The following GSG1L variants were observed in gnomAD, a reference collection of about 807,000 sequenced individuals.
GSG1L encodes GSG1 like.
Under a neutral mutation model 42.1 loss-of-function variants are expected in GSG1L, and 24 were observed. The observed-to-expected ratio is 0.57, with a 90% CI of 0.41 to 0.80. The LOEUF (loss-of-function observed/expected upper bound fraction) is 0.80, where lower values mean the gene tolerates loss of function less well. Ranked by LOEUF, GSG1L falls within the 30% of genes least tolerant of loss-of-function variation. GSG1L has a pLI of 0.00. For missense variants in GSG1L, 445 were observed against 472.2 expected, an observed-to-expected ratio of 0.94 and a Z score of 0.53; for synonymous variants, 215 against 203.5, an observed-to-expected ratio of 1.06 and a Z score of -0.48.
intron 2 of GSG1L, among the ~76,000 whole-genome samples, chr16:27,945,329 A>ATG (rs1271109534): frequency 1.3e-5 from 2 of 152,156 alleles, no homozygotes; most frequent in East Asian, 1.9e-4. Flanking sequence ...TGTAAAACTA[A>ATG]TGAATAAAAC....
intron 6 of GSG1L, among the ~76,000 whole-genome samples, chr16:27,802,825 T>A (rs143293435): frequency 5.3e-5 from 8 of 152,138 alleles, no homozygotes. Flanking sequence ...CAGCTAATTT[T>A]AACTTTTTTT....
At chr16:27,964,794 G>A (rs2085111051) in intron 1 of GSG1L, among the ~76,000 whole-genome samples, 1 of 152,136 alleles carries the variant, frequency 6.6e-6, no homozygotes, top group Non-Finnish European at 1.5e-5. Flanking sequence ...AGGGGATTGG[G>A]CGGGGAGCAG....
chr16:27,888,499 CTTT>C (rs2084074519), intron 2 of GSG1L, among the ~76,000 whole-genome samples: 1 of 6,476 alleles, frequency 1.5e-4, no homozygotes, highest in African/African-American at 4.0e-4. Context: ...TTCTTTCTTT[CTTT>C]CTTTCTTTCT....
intron 1 of GSG1L, among the ~76,000 whole-genome samples, chr16:27,975,091 G>T (rs980854395): frequency 3.3e-5 from 5 of 152,030 alleles, no homozygotes; most frequent in Admixed American, 3.3e-4. Context: ...CTTGAGAATC[G>T]GTCTTTCCAA....
intron 4 of GSG1L, among the ~76,000 whole-genome samples, chr16:27,834,947 G>C (rs1186080600): frequency 6.6e-6 from 1 of 151,826 alleles, no homozygotes; most frequent in Non-Finnish European, 1.5e-5. Context: ...GCTGGCTTTG[G>C]GCTTATTTTG....
chr16:28,060,896 T>C (rs1209424789), intron 1 of GSG1L, among the ~76,000 whole-genome samples: 1 of 152,122 alleles, frequency 6.6e-6, no homozygotes, highest in Non-Finnish European at 1.5e-5. Flanking sequence ...TACTTAAATA[T>C]CCCAAGTCAA....
chr16:27,845,100 G>A, intron 3 of GSG1L, 39 bp from the exon 4 acceptor site: 1 of 1,420,524 alleles, frequency 7.0e-7, no homozygotes, highest in Non-Finnish European at 9.8e-7. Context: ...CAGGAAGTAA[G>A]GAAGGGCTTT....
chr16:27,884,609 C>A lies in GSG1L; in HGVS notation c.427G>T (p.Val143Leu). 3 of 1,602,074 alleles carry A rather than the reference C, an allele frequency of 1.9e-6. No homozygotes were observed. The highest frequency in any genetic ancestry group is 2.6e-6 in the Non-Finnish European group (3 of 1,174,326). The change falls in exon 3 of 7, where the codon GTG becomes TTG. Residue 143 changes from valine to leucine, a missense_variant. Physicochemically the swap from Val to Leu is conservative, Grantham distance 32. Coordinates refer to ENST00000447459, the MANE Select transcript of GSG1L (RefSeq NM_001109763.2). This position sits in a 1 kb window ranked among gnomAD's most constrained non-coding sequence, Gnocchi z 4.4. ...GVLWLSVVSE[V>L]LYILLLVVGF... ...ACCACCAGCAGCAGAATGTACAGCA[C>A]CTCGGAGACCACAGACAGCCACAGG...
intron 2 of GSG1L, among the ~76,000 whole-genome samples, chr16:27,888,370 G>A (rs2084055415): frequency 6.6e-6 from 1 of 152,022 alleles, no homozygotes; most frequent in African/African-American, 2.4e-5. Context: ...TGCCTGGCGG[G>A]GTTGTGGTTC....
chr16:27,892,104 T>A (rs546420709), intron 2 of GSG1L, among the ~76,000 whole-genome samples: 298 of 152,070 alleles, frequency 2.0e-3, no homozygotes, highest in Non-Finnish European at 2.8e-3. Context: ...ACAGGTGATG[T>A]TGATATGCAG....
At chr16:28,034,797 G>A (rs1359087435) in intron 1 of GSG1L, among the ~76,000 whole-genome samples, 2 of 152,112 alleles carry the variant, frequency 1.3e-5, no homozygotes, top group African/African-American at 4.8e-5. Flanking sequence ...TGCCTATAAC[G>A]CCCCCACTCC....
chr16:27,837,753 T>G (rs973885134), intron 4 of GSG1L, among the ~76,000 whole-genome samples: 4 of 152,174 alleles, frequency 2.6e-5, no homozygotes, highest in African/African-American at 9.7e-5. Flanking sequence ...TTTTCTGTAA[T>G]GTGTGACTGG....
intron 3 of GSG1L, among the ~76,000 whole-genome samples, chr16:27,856,959 C>A (rs1441007521): frequency 6.6e-6 from 1 of 152,128 alleles, no homozygotes; most frequent in African/African-American, 2.4e-5. Context: ...GGTGCACACA[C>A]CAGTTCTCTT....
intron 6 of GSG1L, among the ~76,000 whole-genome samples, chr16:27,798,005 T>C (rs1280210992): frequency 6.6e-6 from 1 of 151,868 alleles, no homozygotes; most frequent in Non-Finnish European, 1.5e-5. Flanking sequence ...GAAAGGGAAA[T>C]ACCAGAAACT....
chr16:27,811,052 C>A (rs2083025273), intron 5 of GSG1L, among the ~76,000 whole-genome samples: 1 of 143,810 alleles, frequency 7.0e-6, no homozygotes, highest in Non-Finnish European at 1.5e-5. Context: ...GTTTCAAAAA[C>A]AAACAAAAAA....
intron 6 of GSG1L, among the ~76,000 whole-genome samples, chr16:27,801,851 G>A (rs560758735): frequency 3.7e-4 from 57 of 152,244 alleles, no homozygotes; most frequent in African/African-American, 1.3e-3. Context: ...CCGTTTCCTC[G>A]TCTGTAAAAT....
chr16:27,825,791 A>G (rs1457966071), intron 5 of GSG1L, among the ~76,000 whole-genome samples: 1 of 152,052 alleles, frequency 6.6e-6, no homozygotes, highest in South Asian at 2.1e-4. Context: ...TTCTCATGAG[A>G]TCTAATGGCT....
intron 3 of GSG1L, among the ~76,000 whole-genome samples, chr16:27,881,496 T>G (rs2083955205): frequency 6.6e-6 from 1 of 152,092 alleles, no homozygotes; most frequent in Non-Finnish European, 1.5e-5. Context: ...CTCCTCGGCC[T>G]CTCAAAGTGC....
In GSG1L at chr16:27,790,013, GGATA is replaced by G. The variant is rs1347968979; in HGVS notation, c.*1353_*1356del. The G allele has an allele frequency of 6.6e-6, 1 of 151,708 alleles. No homozygotes were observed. Among genetic ancestry groups the G allele is most frequent in the Admixed American group, 6.6e-5 (1 of 15,238 alleles). 9.4% of individuals were successfully genotyped at this position (151,708 alleles called of 1,614,324 possible). Reference sequence around the variant, plus strand: ...ATAGATGCTGGATGGATGGATGGATGGATAGATGATGGATAGCTGATGAATGAGT... The same window carrying G: ...ATAGATGCTGGATGGATGGATGGATGGATGATGGATAGCTGATGAATGAGT... On this transcript the variant is annotated 3_prime_UTR_variant, in exon 7 of 7. Coordinates refer to ENST00000447459, the MANE Select transcript of GSG1L (RefSeq NM_001109763.2).
Sources: gnomAD v4.1 joint callset for allele counts (sites outside exome capture counted in the v4.1 genomes callset) on GRCh38, gnomAD v4.1.1 for gene constraint, Gnocchi (gnomAD v3.1) non-coding constraint, MANE v1.5 for transcripts, NCBI Gene and HGNC (gene_info 2026-07-23, HGNC 2026-07-21) for gene names.